Variants in NRG1 observed in about 807,000 individuals in gnomAD.
NRG1 encodes pro-neuregulin-1, membrane-bound isoform.
Under a neutral mutation model 63.8 loss-of-function variants are expected in NRG1, and 18 were observed. That is an observed-to-expected ratio of 0.28 (90% CI 0.19 to 0.42). The LOEUF (loss-of-function observed/expected upper bound fraction) is 0.42. NRG1 is among the 10% of genes least tolerant of loss of function. The probability of loss-of-function intolerance (pLI) is 1.00; values close to 1 mark genes in which losing one functional copy is unlikely to be tolerated. For synonymous variants in NRG1, 302 were observed against 301.3 expected (o/e 1.00, Z -0.02); for missense variants, 762 against 814.7 (o/e 0.94, Z 0.79).
At chr8:32,490,137 C>G (rs1826376601) in intron 1 of NRG1, among the ~76,000 whole-genome samples, 1 of 152,046 alleles carries the variant, frequency 6.6e-6, no homozygotes. Context: ...GACCCCATCT[C>G]TATAAAAAAT....
chr8:32,091,396 GAGAA>G (rs898449988), intron 1 of NRG1, among the ~76,000 whole-genome samples: 5 of 152,284 alleles, frequency 3.3e-5, no homozygotes, highest in African/African-American at 1.2e-4. Flanking sequence ...AGTTGGGAGA[GAGAA>G]AGGGCATTTC....
At chr8:32,536,449 GC>G (rs1321222265) in intron 1 of NRG1, among the ~76,000 whole-genome samples, 1 of 152,128 alleles carries the variant, frequency 6.6e-6, no homozygotes, top group Non-Finnish European at 1.5e-5. Context: ...TAAGGACTCT[GC>G]TGATGAGGTC....
At chr8:32,235,417 G>A (rs1475396091) in intron 1 of NRG1, among the ~76,000 whole-genome samples, 1 of 151,960 alleles carries the variant, frequency 6.6e-6, no homozygotes, top group African/African-American at 2.4e-5. Context: ...CAGCTGTATG[G>A]TTTGGAGAGC....
intron 1 of NRG1, among the ~76,000 whole-genome samples, chr8:32,413,930 T>G (rs1221473660): frequency 6.6e-6 from 1 of 151,920 alleles, no homozygotes; most frequent in Non-Finnish European, 1.5e-5. Flanking sequence ...TTCTAGGTTT[T>G]TTTTTTTTTT....
intron 1 of NRG1, among the ~76,000 whole-genome samples, chr8:31,747,686 T>C (rs1039196126): frequency 6.6e-6 from 1 of 151,942 alleles, no homozygotes; most frequent in Admixed American, 6.6e-5. Flanking sequence ...GCCATGTTAG[T>C]TGGCTTTATT....
At chr8:32,374,343 A>G (rs952470457) in intron 1 of NRG1, among the ~76,000 whole-genome samples, 1 of 152,154 alleles carries the variant, frequency 6.6e-6, no homozygotes, top group Admixed American at 6.5e-5. Flanking sequence ...TCCACAACAC[A>G]ATGTGGTTCT....
At chr8:31,915,039 A>G (rs567012161) in intron 1 of NRG1, among the ~76,000 whole-genome samples, 1 of 149,136 alleles carries the variant, frequency 6.7e-6, no homozygotes, top group South Asian at 2.2e-4. Context: ...TTTGTAATTT[A>G]TTGAATTTTC....
At chr8:32,602,292 G>T (rs1433225211) in intron 2 of NRG1, among the ~76,000 whole-genome samples, 1 of 151,918 alleles carries the variant, frequency 6.6e-6, no homozygotes, top group Non-Finnish European at 1.5e-5. Context: ...ACATTTGATT[G>T]CATTACTAGG....
intron 1 of NRG1, among the ~76,000 whole-genome samples, chr8:32,357,315 T>A (rs1476766464): frequency 2.6e-5 from 4 of 152,174 alleles, no homozygotes; most frequent in Non-Finnish European, 5.9e-5. Context: ...AGTCCCCAAC[T>A]GTTAGCACAA....
At chr8:32,024,543 CT>C (rs1243406227) in intron 1 of NRG1, among the ~76,000 whole-genome samples, 1 of 152,156 alleles carries the variant, frequency 6.6e-6, no homozygotes, top group Non-Finnish European at 1.5e-5. Context: ...GGGAAATAGC[CT>C]TTGGAGCCAA....
chr8:32,723,099 G>A (rs1821058014), intron 5 of NRG1, among the ~76,000 whole-genome samples: 2 of 152,220 alleles, frequency 1.3e-5, no homozygotes, highest in South Asian at 2.1e-4. Context: ...TCATATATTT[G>A]TGTGCAGTGT....
At position 31,985,978 on chromosome 8, in the gene NRG1, CT is replaced by C. The variant is rs199566257; in HGVS notation, c.37+346551del. On this transcript the variant is annotated intron_variant, in intron 1 of 10. Coordinates refer to the NRG1 transcript ENST00000519301. ...GTTCTAGAATACCATTGCATCAACTCTTTTAGCAAATTGCATTATTAGACAT... is the reference window on the plus strand; with the variant it reads ...GTTCTAGAATACCATTGCATCAACTCTTTAGCAAATTGCATTATTAGACAT... 9.1e-3 allele frequency among the ~76,000 whole-genome samples: 1,381 copies of C among 152,080 alleles called. 23 individuals are homozygous for C. The highest frequency in any genetic ancestry group is 0.074 in the South Asian group (357 of 4,830).
In NRG1 at chr8:31,837,579, G is replaced by A. The variant is rs142511146; in HGVS notation, c.37+198148G>A. 2.1e-4 allele frequency among the ~76,000 whole-genome samples: 32 copies of A among 152,056 alleles called. 1 individual carries two copies. In the East Asian group the frequency reaches 6.0e-3, roughly 29 times the overall value. ...CACCTTACTGTTCAACAGAGTACTA[G>A]AACTTATTCCTTTCTATGTAACTAT... On this transcript the variant is annotated intron_variant, in intron 1 of 10. Transcript: ENST00000519301.
intron 1 of NRG1, among the ~76,000 whole-genome samples, chr8:31,967,390 G>A (rs780003840): frequency 1.5e-4 from 23 of 151,956 alleles, no homozygotes; most frequent in East Asian, 1.9e-4. Flanking sequence ...TAGTACATCC[G>A]CACTCAGCCT....
At chr8:32,663,856 C>G (rs776793126) in intron 5 of NRG1, among the ~76,000 whole-genome samples, 1 of 152,130 alleles carries the variant, frequency 6.6e-6, no homozygotes, top group Non-Finnish European at 1.5e-5. Context: ...CTGTCCTCCT[C>G]TGCTTCTCAA....
intron 1 of NRG1, among the ~76,000 whole-genome samples, chr8:32,233,650 C>T (rs541052599): frequency 1.8e-4 from 27 of 150,032 alleles, no homozygotes; most frequent in African/African-American, 6.3e-4. Flanking sequence ...CTGCAACCTC[C>T]GCCTCCTGGG....
intron 5 of NRG1, among the ~76,000 whole-genome samples, chr8:32,657,785 T>C (rs1256015788): frequency 6.6e-6 from 1 of 152,214 alleles, no homozygotes; most frequent in Non-Finnish European, 1.5e-5. Context: ...TACATGATGC[T>C]AAGTACTGCC....
chr8:32,541,431 T>C (rs1455596727), intron 1 of NRG1, among the ~76,000 whole-genome samples: 2 of 151,800 alleles, frequency 1.3e-5, no homozygotes, highest in Admixed American at 1.3e-4. Context: ...CATGATGACA[T>C]TATGAAGTAA....
intron 1 of NRG1, among the ~76,000 whole-genome samples, chr8:32,239,489 A>G (rs1847898060): frequency 6.6e-6 from 1 of 152,100 alleles, no homozygotes; most frequent in African/African-American, 2.4e-5. Context: ...TGATACTAAA[A>G]GTATGATTTT....
Sources: gnomAD v4.1 joint callset for allele counts (sites outside exome capture counted in the v4.1 genomes callset) on GRCh38, gnomAD v4.1.1 for gene constraint, MANE v1.5 for transcripts, NCBI Gene and HGNC (gene_info 2026-07-23, HGNC 2026-07-21) for gene names.